The following FAT3 variants were observed in gnomAD, a reference collection of about 807,000 sequenced individuals.
The protein encoded by FAT3 is protocadherin Fat 3.
Under a neutral mutation model 310.2 loss-of-function variants are expected in FAT3, and 95 were observed. The ratio of observed to expected loss-of-function variants is 0.31; its 90% confidence interval spans 0.26 to 0.36. The LOEUF (loss-of-function observed/expected upper bound fraction) is 0.36. FAT3 is among the 10% of genes least tolerant of loss of function. The pLI is 1.00. For missense variants in FAT3, 5,408 were observed against 5,715.6 expected, an observed-to-expected ratio of 0.95 and a Z score of 1.74; for synonymous variants, 2,314 against 2,192.9, an observed-to-expected ratio of 1.06 and a Z score of -1.54.
chr11:92,760,254 A>G (rs2136079189), intron 4 of FAT3, among the ~76,000 whole-genome samples: 1 of 152,370 alleles, frequency 6.6e-6, no homozygotes, highest in South Asian at 2.1e-4. Context: ...TAAGTCTATT[A>G]AAGCTATCCT....
chr11:92,855,594 A>G (rs1948952721), intron 19 of FAT3, among the ~76,000 whole-genome samples: 1 of 152,266 alleles, frequency 6.6e-6, no homozygotes, highest in Non-Finnish European at 1.5e-5. Context: ...TTCTTGAAAT[A>G]GATCATGAGA....
At chr11:92,646,608 A>G (rs1472485894) in intron 3 of FAT3, among the ~76,000 whole-genome samples, 1 of 152,242 alleles carries the variant, frequency 6.6e-6, no homozygotes, top group Admixed American at 6.5e-5. Context: ...TTCCGTATGC[A>G]GAACTCTCAC....
intron 3 of FAT3, among the ~76,000 whole-genome samples, chr11:92,619,617 T>G (rs1053413797): frequency 5.9e-5 from 9 of 152,148 alleles, no homozygotes; most frequent in African/African-American, 1.9e-4. Context: ...TAGGATTTTT[T>G]TCATTTTTTC....
rs368535013 is a variant in FAT3 at position 92,350,195 on chromosome 11, T to A, written c.-17-1901T>A. 5.9e-5 allele frequency among the ~76,000 whole-genome samples: 9 copies of A among 152,258 alleles called. No individual in the cohort carries two copies. In the East Asian group the frequency reaches 1.7e-3, roughly 29 times the overall value. ...GTATTCAACAAGAAAAAGTTAAGTC[T>A]ATTTAGACTTAACTAATAAAGTCGA... is the stretch of plus-strand genomic sequence containing the variant. On this transcript the variant is annotated intron_variant, in intron 1 of 27. Transcript: ENST00000525166.
intron 2 of FAT3, chr11:92,366,657 C>T (rs1034559125): frequency 8.4e-5 from 45 of 534,244 alleles, no homozygotes; most frequent in South Asian, 5.9e-4. Context: ...CTTCAGAGAC[C>T]TTCCACATGC....
chr11:92,330,884 T>A (rs1238993200), intron 1 of FAT3, among the ~76,000 whole-genome samples: 10 of 152,052 alleles, frequency 6.6e-5, no homozygotes, highest in African/African-American at 2.4e-4. Flanking sequence ...TTTTAATGAG[T>A]TCACATTGAC....
intron 3 of FAT3, among the ~76,000 whole-genome samples, chr11:92,647,530 T>C (rs143486885): frequency 8.8e-4 from 134 of 152,290 alleles, no homozygotes; most frequent in African/African-American, 3.0e-3. Flanking sequence ...AGAAGTTAAA[T>C]ATTTCAAGGA....
At chr11:92,701,575 ATCT>A (rs1944097919) in intron 4 of FAT3, among the ~76,000 whole-genome samples, 1 of 152,180 alleles carries the variant, frequency 6.6e-6, no homozygotes, top group African/African-American at 2.4e-5. Context: ...TATTGGCCTG[ATCT>A]TCTCTTCCTA....
Position 92,882,973 on chromosome 11 carries a change from A to G in FAT3, c.12517A>G (p.Ile4173Val). ...FVIFILVVLF[I>V]VFRKKVFRKN... The stretch of plus-strand genomic sequence containing the variant: ...CATCTTCATCCTGGTGGTTCTCTTC[A>G]TAGTCTTCCGCAAGAAGGTCTTCCG... Residue 4173 changes from isoleucine to valine, a missense_variant, in exon 24 of 28, where the codon ATA (isoleucine) becomes GTA (valine). By Grantham distance (29) the Ile-to-Val change is conservative. Coordinates refer to ENST00000525166, the MANE Select transcript of FAT3 (RefSeq NM_001367949.2). 6.2e-7 allele frequency: 1 copy of G among 1,613,882 alleles called. No homozygotes were observed. Among genetic ancestry groups the G allele is most frequent in the Non-Finnish European group, 8.5e-7 (1 of 1,179,858 alleles).
At chr11:92,644,904 A>C (rs1942094744) in intron 3 of FAT3, among the ~76,000 whole-genome samples, 1 of 152,200 alleles carries the variant, frequency 6.6e-6, no homozygotes, top group African/African-American at 2.4e-5. Context: ...CTGGAAATAT[A>C]AAGTCTTGGG....
chr11:92,344,942 A>G lies in FAT3; in HGVS notation c.-17-7154A>G, dbSNP rs533896217. ...AGTAAATTTTTAGAGGTGACTCAGG[A>G]TGGGAGATGAGGGAGGTTTATTTTG... On this transcript the variant is annotated intron_variant, in intron 1 of 27. Transcript: ENST00000525166. 2.6e-5 allele frequency among the ~76,000 whole-genome samples: 4 copies of G among 152,250 alleles called. No homozygotes were observed. In the South Asian group the frequency reaches 8.3e-4, roughly 32 times the overall value.
At chr11:92,501,850 A>T (rs1209044208) in intron 2 of FAT3, among the ~76,000 whole-genome samples, 1 of 151,994 alleles carries the variant, frequency 6.6e-6, no homozygotes, top group African/African-American at 2.4e-5. Context: ...GCAAATTAAT[A>T]ATCATTCAGT....
chr11:92,378,379 C>G (rs762082463), intron 2 of FAT3, among the ~76,000 whole-genome samples: 76 of 152,110 alleles, frequency 5.0e-4, no homozygotes, highest in Admixed American at 3.9e-4. Context: ...AATCTTTCTT[C>G]TATTTTTCAT....
At chr11:92,469,162 G>T (rs80000452) in intron 2 of FAT3, among the ~76,000 whole-genome samples, 2,181 of 152,192 alleles carry the variant, frequency 0.014, 44 homozygotes, top group African/African-American at 0.049. Flanking sequence ...CAGGCATGTG[G>T]GATCTTGATT....
chr11:92,649,900 T>C (rs1007692031), intron 3 of FAT3, among the ~76,000 whole-genome samples: 9 of 63,690 alleles, frequency 1.4e-4, no homozygotes, highest in South Asian at 3.5e-4. Flanking sequence ...TATATATATA[T>C]ATATATATAT....
chr11:92,300,162 G>T (rs1946957955), intron 1 of FAT3, among the ~76,000 whole-genome samples: 1 of 152,082 alleles, frequency 6.6e-6, no homozygotes. Flanking sequence ...TTTCAACAGG[G>T]TACAAATGTA....
At chr11:92,395,331 A>G (rs1949844036) in intron 2 of FAT3, among the ~76,000 whole-genome samples, 2 of 152,220 alleles carry the variant, frequency 1.3e-5, no homozygotes, top group South Asian at 4.1e-4. Flanking sequence ...TTGTAGGAAC[A>G]GTGCAGCTTG....
chr11:92,623,930 G>A (rs974416338), intron 3 of FAT3, among the ~76,000 whole-genome samples: 2 of 151,918 alleles, frequency 1.3e-5, no homozygotes, highest in South Asian at 2.1e-4. Context: ...ATGACAAAGC[G>A]AGACTCTGCC....
In FAT3 at chr11:92,598,230, A is replaced by ATATATT. The variant is rs756896313; in HGVS notation, c.3607+73283_3607+73284insATATTT. Among the ~76,000 whole-genome samples, 1,107 of 134,384 alleles carry ATATATT rather than the reference A, an allele frequency of 8.2e-3. 9 individuals carry two copies. Among genetic ancestry groups the ATATATT allele is most frequent in the African/African-American group, 0.023 (787 of 34,774 alleles). 88.2% of individuals were successfully genotyped at this position (134,384 alleles called of 152,430 possible). ...TATATGTATACATATATATATATAT[A>ATATATT]TTTTTTTTTTTTTTGAGACAAAGTC... On this transcript the variant is annotated intron_variant, in intron 3 of 27. Coordinates refer to ENST00000525166, the MANE Select transcript of FAT3 (RefSeq NM_001367949.2).
Sources: allele counts gnomAD v4.1 joint callset (sites outside exome capture counted in the v4.1 genomes callset), GRCh38; gene constraint gnomAD v4.1.1; transcripts MANE v1.5; gene names NCBI Gene and HGNC (gene_info 2026-07-23, HGNC 2026-07-21).